CDC25B: variants seen among roughly 807,000 people sequenced by gnomAD.
CDC25B encodes the protein cell division cycle 25B, also known as M-phase inducer phosphatase 2.
A neutral mutation model predicts 69.8 loss-of-function variants in CDC25B; 33 were observed. The ratio of observed to expected loss-of-function variants is 0.47; its 90% CI spans 0.36 to 0.63. The LOEUF (loss-of-function observed/expected upper bound fraction) is 0.63, where lower values mean the gene tolerates loss of function less well. CDC25B is among the 30% of genes least tolerant of loss of function. The probability of loss-of-function intolerance (pLI) is 0.00; values close to 1 mark genes in which losing one functional copy is unlikely to be tolerated. For synonymous variants in CDC25B, 341 were observed against 314.6 expected, an observed-to-expected ratio of 1.08 and a Z score of -0.89; for missense variants, 727 against 809.1, an observed-to-expected ratio of 0.90 and a Z score of 1.23.
At chr20:3,791,953 A>T (rs923190887), upstream of CDC25B, among the ~76,000 whole-genome samples, 3 of 152,134 alleles carry the variant, frequency 2.0e-5, no homozygotes, top group African/African-American at 7.2e-5. Flanking sequence ...TCACTTTGTC[A>T]CCCAGGCTGG....
In CDC25B at chr20:3,805,149, G is replaced by A. The variant is rs745972023; in HGVS notation, c.*188G>A. On this transcript the variant is annotated 3_prime_UTR_variant, in exon 16 of 16. Transcript: ENST00000245960. ...TCATCCCATCATTTTCCATATCCTGGTGCCCCCCACCCCTGGAAGAGCCCA... is the reference window on the plus strand; with the variant it reads ...TCATCCCATCATTTTCCATATCCTGATGCCCCCCACCCCTGGAAGAGCCCA... The A allele has an allele frequency of 7.3e-5, 46 of 626,314 alleles. No individual in the cohort carries two copies. Among genetic ancestry groups the A allele is most frequent in the Non-Finnish European group, 1.2e-4 (42 of 364,236 alleles). The allele number at this position is 626,314 out of a possible 1,614,324, so 38.8% of individuals were successfully genotyped here.
chr20:3,804,173 T>A (rs1200562061), intron 14 of CDC25B, among the ~76,000 whole-genome samples: 1 of 152,180 alleles, frequency 6.6e-6, no homozygotes, highest in Non-Finnish European at 1.5e-5. Context: ...GGGCACTGGC[T>A]TCAGTCTTGG....
chr20:3,797,439 T>G (rs2089098921), intron 1 of CDC25B, among the ~76,000 whole-genome samples, 183 bp from the exon 2 acceptor site: 1 of 152,210 alleles, frequency 6.6e-6, no homozygotes, highest in South Asian at 2.1e-4. Flanking sequence ...GAGAAGACGC[T>G]TTAGGGCCTC....
rs772477590 is a variant in CDC25B at position 3,796,715 on chromosome 20, C to T, written c.184C>T (p.Leu62Phe). ...VTTLTQTMHDLAGLGSETPKS... is the reference protein window; with the variant it reads ...VTTLTQTMHDFAGLGSETPKS... ...CACCCTCACCCAGACCATGCACGACCTCGCCGGGCTCGGCAGGTAGGACAC... is the reference window on the plus strand; with the variant it reads ...CACCCTCACCCAGACCATGCACGACTTCGCCGGGCTCGGCAGGTAGGACAC... Residue 62 changes from leucine to phenylalanine, a missense_variant, in exon 1 of 16, where the codon CTC becomes TTC. By Grantham distance (22) the Leu-to-Phe change is conservative. Transcript: ENST00000245960. The T allele has an allele frequency of 4.5e-6, 7 of 1,568,912 alleles. No homozygotes were observed. In the Admixed American group the frequency reaches 8.9e-5, roughly 20 times the overall value.
chr20:3,788,061 T>C (rs2088853274), intron 1 of CDC25B, among the ~76,000 whole-genome samples: 2 of 151,838 alleles, frequency 1.3e-5, no homozygotes, highest in African/African-American at 2.4e-5. Context: ...CGCTTGAGCC[T>C]GGGAGGCAGA....
chr20:3,801,153 G>A (rs763954456), intron 7 of CDC25B, 60 bp downstream of exon 7: 9 of 1,608,090 alleles, frequency 5.6e-6, no homozygotes, highest in Non-Finnish European at 7.7e-6. Flanking sequence ...GAGAAGAGGA[G>A]GGTGGCCCTG....
At position 3,804,877 on chromosome 20, in the gene CDC25B, G is replaced by A. The variant is rs1417955000; in HGVS notation, c.1659G>A (p.Glu553=). ...RPMNHEAFKD[E]LKTFRLKTRS... ...TGAACCACGAGGCCTTCAAGGATGA[G>A]CTAAAGACCTTCCGCCTCAAGACTC... is the stretch of plus-strand genomic sequence containing the variant. Residue 553 remains glutamate, a synonymous_variant, in exon 16 of 16, where the codon GAG becomes GAA. Transcript: ENST00000245960. 1 of 1,614,184 alleles carries A rather than the reference G, an allele frequency of 6.2e-7. No homozygotes were observed. The highest frequency in any genetic ancestry group is 8.5e-7 in the Non-Finnish European group (1 of 1,180,026).
upstream of CDC25B, among the ~76,000 whole-genome samples, chr20:3,795,089 C>G (rs1234562654): frequency 1.3e-5 from 2 of 152,196 alleles, no homozygotes; most frequent in South Asian, 4.1e-4. Context: ...GGGCCGGGCA[C>G]AGTGGCTCGT....
chr20:3,804,606 G>A lies in CDC25B; in HGVS notation c.1528G>A (p.Asp510Asn), dbSNP rs768175818. 7.4e-6 allele frequency: 12 copies of A among 1,613,952 alleles called. No individual in the cohort carries two copies. The highest frequency in any genetic ancestry group is 4.0e-5 in the African/African-American group (3 of 74,918). The change falls in exon 15 of 16, where the codon GAC (aspartate) becomes AAC (asparagine). Residue 510 changes from aspartate (D) to asparagine (N), a missense_variant. Around this residue, in one of 2 missense-constraint regions of CDC25B, gnomAD observed 359 missense variants for 463.4 expected, o/e 0.77. Coordinates refer to ENST00000245960, the MANE Select transcript of CDC25B (RefSeq NM_021873.4). Reference protein sequence around the residue: ...FIRERDRAVNDYPSLYYPEMY... With the variant: ...FIRERDRAVNNYPSLYYPEMY... ...CAGGGAACGAGACCGTGCTGTCAAC[G>A]ACTACCCCAGCCTCTACTACCCTGA...
chr20:3,803,055 CCTGCCAG>C lies in CDC25B; in HGVS notation c.1258-44_1258-38del. 1 of 1,592,318 alleles carries C rather than the reference CCTGCCAG, an allele frequency of 6.3e-7. No homozygotes were observed. Among genetic ancestry groups the C allele is most frequent in the Non-Finnish European group, 8.6e-7 (1 of 1,160,220 alleles). The stretch of plus-strand genomic sequence containing the variant: ...CTTCCCTGGGGACAGGCTAGGGCCA[CCTGCCAG>C]CTGCCAGCCTGACCTGCCGGAACCA... On this transcript the variant is annotated intron_variant, in intron 12 of 15. Transcript: ENST00000245960. This position sits in a 1 kb window ranked among gnomAD's most constrained non-coding sequence, Gnocchi z 4.9.
intron 1 of CDC25B, among the ~76,000 whole-genome samples, chr20:3,788,073 G>A (rs2088853490): frequency 6.6e-6 from 1 of 151,950 alleles, no homozygotes; most frequent in Non-Finnish European, 1.5e-5. Context: ...GGAGGCAGAG[G>A]TTGCAGGGAG....
At chr20:3,802,415 C>A in intron 11 of CDC25B, 39 bp downstream of exon 11, 2 of 1,436,652 alleles carry the variant, frequency 1.4e-6, no homozygotes, top group Non-Finnish European at 1.9e-6. Flanking sequence ...GGGGGCTTGA[C>A]CTCTTACTGA....
chr20:3,802,149 AC>A (rs879894336), intron 10 of CDC25B, 49 bp downstream of exon 10: 3 of 1,538,260 alleles, frequency 2.0e-6, no homozygotes, highest in Non-Finnish European at 1.8e-6. Flanking sequence ...CTGGGCAGCC[AC>A]CCCCTTGGCT....
intron 15 of CDC25B, 24 bp from the exon 16 acceptor site, chr20:3,804,797 T>A: frequency 1.2e-6 from 2 of 1,613,840 alleles, no homozygotes; most frequent in Non-Finnish European, 1.7e-6. Context: ...TTCCACTGCA[T>A]TGACCCCTCC....
chr20:3,803,357 T>A lies in CDC25B; in HGVS notation c.1357-47T>A. 2.5e-6 allele frequency: 4 copies of A among 1,613,202 alleles called. No homozygotes were observed. The highest frequency in any genetic ancestry group is 3.4e-6 in the Non-Finnish European group (4 of 1,179,512). ...GACAGCGACTGCACGGGGAGGGCCC[T>A]GACTCCTGGACCCGGGGCTGTGCCT... is the stretch of plus-strand genomic sequence containing the variant. On this transcript the variant is annotated intron_variant, in intron 13 of 15. Transcript: ENST00000245960. This position sits in a 1 kb window ranked among gnomAD's most constrained non-coding sequence, Gnocchi z 4.9.
At chr20:3,791,058 T>C (rs1384158309) in intron 1 of CDC25B, among the ~76,000 whole-genome samples, 1 of 152,154 alleles carries the variant, frequency 6.6e-6, no homozygotes, top group Non-Finnish European at 1.5e-5. Flanking sequence ...TCTCAACATG[T>C]AGTCTTTCAA....
At position 3,801,925 on chromosome 20, in the gene CDC25B, A is replaced by G. The variant is rs1393083295; in HGVS notation, c.923A>G (p.Asp308Gly). The G allele has an allele frequency of 3.1e-6, 5 of 1,608,290 alleles. No homozygotes were observed. Among genetic ancestry groups the G allele is most frequent in the Middle Eastern group, 3.3e-4 (2 of 6,044 alleles). ...TCCCTAACCTGCTGTCCCTGCCAGG[A>G]CCTCGTCATGTACAGCAAGTGCCAG... ...VKTLEKEEEKDLVMYSKCQRL... is the reference protein window; with the variant it reads ...VKTLEKEEEKGLVMYSKCQRL... The change falls in exon 10 of 16, where the codon GAC (aspartate) becomes GGC (glycine). Residue 308 changes from aspartate (D) to glycine (G), a missense_variant and splice_region_variant. Transcript: ENST00000245960.
chr20:3,802,441 C>A, intron 11 of CDC25B, 65 bp downstream of exon 11: 2 of 1,115,350 alleles, frequency 1.8e-6, no homozygotes, highest in Non-Finnish European at 1.3e-6. Flanking sequence ...GGTCCTCTAG[C>A]CCAGGGGCTG....
chr20:3,795,098 G>C (rs11569977), upstream of CDC25B, among the ~76,000 whole-genome samples: 2,904 of 152,162 alleles, frequency 0.019, 98 homozygotes, highest in African/African-American at 0.066. Context: ...ACAGTGGCTC[G>C]TGCGTGTAAT....
Sources: gnomAD v4.1 joint callset for allele counts (sites outside exome capture counted in the v4.1 genomes callset) on GRCh38, gnomAD v4.1.1 for gene constraint, gnomAD v4.1.1 regional missense constraint, Gnocchi (gnomAD v3.1) non-coding constraint, MANE v1.5 for transcripts, NCBI Gene and HGNC (gene_info 2026-07-23, HGNC 2026-07-21) for gene names.